Variants in UGT1A8 observed in about 807,000 individuals in gnomAD.
UGT1A8 encodes the protein UDP glucuronosyltransferase family 1 member A8, also known as UDP-glucuronosyltransferase 1A8.
A neutral mutation model predicts 45.3 loss-of-function variants in UGT1A8; 39 were observed. The observed-to-expected ratio is 0.86, with a 90% CI of 0.67 to 1.12. UGT1A8 has a LOEUF of 1.12. UGT1A8 is among the 50% of genes most tolerant of loss of function. UGT1A8 has a pLI of 0.00. For synonymous variants in UGT1A8, 275 were observed against 249.2 expected, an observed-to-expected ratio of 1.10 and a Z score of -0.97; for missense variants, 719 against 664.9, an observed-to-expected ratio of 1.08 and a Z score of -0.90.
At chr2:233,650,151 G>A (rs2073703735) in intron 1 of UGT1A8, among the ~76,000 whole-genome samples, 1 of 152,036 alleles carries the variant, frequency 6.6e-6, no homozygotes, top group Non-Finnish European at 1.5e-5. Flanking sequence ...TGTAATTTTA[G>A]TAGAGGCAGG....
Position 233,618,525 on chromosome 2 carries a change from G to T in UGT1A8, c.818G>T (p.Gly273Val). 1 of 1,613,824 alleles carries T rather than the reference G, an allele frequency of 6.2e-7. No homozygotes were observed. Among genetic ancestry groups the T allele is most frequent in the Non-Finnish European group, 8.5e-7 (1 of 1,179,828 alleles). Reference sequence around the variant, plus strand: ...GTGATGCCCAATATGATCTTCATTGGTGGTATCAACTGCCATCAGGGAAAG... The same window carrying T: ...GTGATGCCCAATATGATCTTCATTGTTGGTATCAACTGCCATCAGGGAAAG... The part of the protein sequence containing the change: ...KPVMPNMIFI[G>V]GINCHQGKPL... Residue 273 changes from glycine to valine, a missense_variant, in exon 1 of 5, where the codon GGT becomes GTT. Gly to Val is a moderately radical substitution (Grantham distance 109). Transcript: ENST00000373450.
At chr2:233,669,230 T>G (rs573367876) in intron 1 of UGT1A8, among the ~76,000 whole-genome samples, 1 of 151,112 alleles carries the variant, frequency 6.6e-6, no homozygotes, top group African/African-American at 2.4e-5. Flanking sequence ...TAATAAGTCT[T>G]GAAATTAGGT....
intron 1 of UGT1A8, chr2:233,713,612 C>T (rs2076333250): frequency 6.2e-7 from 1 of 1,613,866 alleles, no homozygotes; most frequent in African/African-American, 1.3e-5. Flanking sequence ...ACATGACATT[C>T]CTGCAAAGGG....
At chr2:233,644,840 C>T (rs1394753924) in intron 1 of UGT1A8, among the ~76,000 whole-genome samples, 1 of 152,050 alleles carries the variant, frequency 6.6e-6, no homozygotes, top group Non-Finnish European at 1.5e-5. Context: ...TGAGTGCTCA[C>T]CTGAGTTTTG....
At chr2:233,756,358 A>G (rs536694475) in intron 1 of UGT1A8, 1 of 152,314 alleles carries the variant, frequency 6.6e-6, no homozygotes, top group Non-Finnish European at 1.5e-5. Context: ...TTTACCTAAT[A>G]AATGTAAATG....
intron 1 of UGT1A8, among the ~76,000 whole-genome samples, chr2:233,707,679 A>G (rs2075981057): frequency 6.6e-6 from 1 of 151,910 alleles, no homozygotes; most frequent in Admixed American, 6.6e-5. Flanking sequence ...TCTACTGTTG[A>G]TGGGCTTTGG....
chr2:233,623,158 A>G (rs2073039517), intron 1 of UGT1A8, among the ~76,000 whole-genome samples: 1 of 152,038 alleles, frequency 6.6e-6, no homozygotes, highest in African/African-American at 2.4e-5. Flanking sequence ...GTCAGGTAGC[A>G]TGATGCCTCC....
intron 1 of UGT1A8, among the ~76,000 whole-genome samples, chr2:233,638,637 A>C (rs1255634219): frequency 2.6e-5 from 4 of 152,148 alleles, no homozygotes; most frequent in Admixed American, 2.6e-4. Context: ...ATCCAGATGA[A>C]ACACCTGGTG....
At chr2:233,714,277 A>C (rs892739336) in intron 1 of UGT1A8, among the ~76,000 whole-genome samples, 6 of 152,178 alleles carry the variant, frequency 3.9e-5, no homozygotes, top group African/African-American at 1.4e-4. Context: ...TTGACGTGAC[A>C]ATTTTTAGTG....
chr2:233,745,544 C>T (rs1418147485), intron 1 of UGT1A8, among the ~76,000 whole-genome samples: 1 of 151,628 alleles, frequency 6.6e-6, no homozygotes, highest in Non-Finnish European at 1.5e-5. Context: ...GTCACCAGAA[C>T]AAACTTCTAA....
chr2:233,656,023 C>T (rs1205688240), intron 1 of UGT1A8, among the ~76,000 whole-genome samples: 1 of 152,068 alleles, frequency 6.6e-6, no homozygotes, highest in Non-Finnish European at 1.5e-5. Flanking sequence ...AGCATGACCT[C>T]TGGCAAATAC....
intron 1 of UGT1A8, chr2:233,743,509 G>T: frequency 7.3e-7 from 1 of 1,367,170 alleles, no homozygotes; most frequent in Non-Finnish European, 9.8e-7. Context: ...GGGTGCAGAC[G>T]CTCTGCTTCT....
rs2072943367 is a variant in UGT1A8 at position 233,618,441 on chromosome 2, A to G, written c.734A>G (p.Tyr245Cys). ...ACACCTGTCACAGCATATGATCTCT[A>G]CAGCCACACATCAATTTGGTTGTTG... ...LQTPVTAYDL[Y>C]SHTSIWLLRT... Residue 245 changes from tyrosine to cysteine, a missense_variant, in exon 1 of 5, where the codon TAC (tyrosine) becomes TGC (cysteine). Physicochemically the swap from Tyr to Cys is radical, Grantham distance 194. Transcript: ENST00000373450. 2 of 1,613,886 alleles carry G rather than the reference A, an allele frequency of 1.2e-6. No individual in the cohort carries two copies. Among genetic ancestry groups the G allele is most frequent in the Non-Finnish European group, 1.7e-6 (2 of 1,179,814 alleles).
intron 1 of UGT1A8, among the ~76,000 whole-genome samples, chr2:233,675,014 T>C (rs2074305264): frequency 6.6e-6 from 1 of 152,200 alleles, no homozygotes; most frequent in Admixed American, 6.5e-5. Flanking sequence ...CATTACTTGA[T>C]GATGGAGTAT....
chr2:233,698,815 T>C (rs2075464153), intron 1 of UGT1A8, among the ~76,000 whole-genome samples: 1 of 152,234 alleles, frequency 6.6e-6, no homozygotes, highest in Non-Finnish European at 1.5e-5. Flanking sequence ...CCTCGCCTTG[T>C]GGAAGAGTAA....
chr2:233,731,441 C>T (rs1000336522), intron 1 of UGT1A8, among the ~76,000 whole-genome samples: 6 of 152,112 alleles, frequency 3.9e-5, no homozygotes, highest in Non-Finnish European at 5.9e-5. Flanking sequence ...CCCCAGTCCC[C>T]CACCCCACAA....
intron 1 of UGT1A8, chr2:233,729,360 A>G (rs17868336): frequency 0.038 from 60,794 of 1,614,118 alleles, 1,450 homozygotes; most frequent in Non-Finnish European, 0.047. Flanking sequence ...TCACCCTGAC[A>G]ACCTATGCCA....
At chr2:233,625,146 A>G (rs1483435136) in intron 1 of UGT1A8, among the ~76,000 whole-genome samples, 2 of 152,112 alleles carry the variant, frequency 1.3e-5, no homozygotes, top group Non-Finnish European at 2.9e-5. Context: ...AAAGCAAACT[A>G]GAGAAAGGAA....
At chr2:233,765,047 G>T (rs1698737192) in intron 1 of UGT1A8, among the ~76,000 whole-genome samples, 1 of 151,990 alleles carries the variant, frequency 6.6e-6, no homozygotes, top group Non-Finnish European at 1.5e-5. Context: ...AATTGCGTTT[G>T]CTGAGCCCTG....
Sources: allele counts gnomAD v4.1 joint callset (sites outside exome capture counted in the v4.1 genomes callset), GRCh38; gene constraint gnomAD v4.1.1; transcripts MANE v1.5; gene names NCBI Gene and HGNC (gene_info 2026-07-23, HGNC 2026-07-21).